The following BANF2 variants were observed in gnomAD, a reference collection of about 807,000 sequenced individuals.
BANF2 encodes BANF family member 2, also known as barrier-to-autointegration factor-like protein.
A neutral mutation model predicts 8.0 loss-of-function variants in BANF2; 4 were observed. That is an observed-to-expected ratio of 0.50 (90% CI 0.25 to 1.14). BANF2 has a LOEUF of 1.14. Ranked by LOEUF, BANF2 falls within the 50% of genes most tolerant of loss-of-function variation. BANF2 has a pLI of 0.16. For missense variants in BANF2, 96 were observed against 107.5 expected (o/e 0.89, Z 0.47); for synonymous variants, 50 against 40.6 (o/e 1.23, Z -0.88).
At chr20:17,720,246 A>G (rs530082988) in intron 1 of BANF2, among the ~76,000 whole-genome samples, 1 of 152,378 alleles carries the variant, frequency 6.6e-6, no homozygotes, top group African/African-American at 2.4e-5. Flanking sequence ...TGTACCCAAA[A>G]GAATTGAATG....
chr20:17,707,122 G>A (rs1187601907), intron 1 of BANF2, among the ~76,000 whole-genome samples: 3 of 152,116 alleles, frequency 2.0e-5, no homozygotes, highest in South Asian at 2.1e-4. Flanking sequence ...AGTGGCTCAC[G>A]CCTGTAATCC....
At chr20:17,728,438 C>T (rs1428618410) in intron 3 of BANF2, among the ~76,000 whole-genome samples, 2 of 152,188 alleles carry the variant, frequency 1.3e-5, no homozygotes, top group East Asian at 1.9e-4. Flanking sequence ...CGCTCCACCC[C>T]GCCAATTTAT....
chr20:17,728,778 G>C (rs1373568227), intron 3 of BANF2, among the ~76,000 whole-genome samples: 1 of 152,118 alleles, frequency 6.6e-6, no homozygotes, highest in Non-Finnish European at 1.5e-5. Flanking sequence ...CCCTTCCCAG[G>C]GGCAATCAGC....
At chr20:17,723,107 G>T (rs1280413044) in intron 2 of BANF2, among the ~76,000 whole-genome samples, 1 of 152,154 alleles carries the variant, frequency 6.6e-6, no homozygotes, top group Non-Finnish European at 1.5e-5. Context: ...GTCCCATATT[G>T]TAAGGGGTAA....
chr20:17,707,386 A>AAAAAAAAAAAAAG (rs1351602805), intron 1 of BANF2, among the ~76,000 whole-genome samples: 46 of 152,042 alleles, frequency 3.0e-4, no homozygotes, highest in African/African-American at 1.0e-3. Flanking sequence ...CTGTGTCAAA[A>AAAAAAAAAAAAAG]AAAAGAAAAT....
At chr20:17,705,203 C>T (rs2037465287) in intron 1 of BANF2, among the ~76,000 whole-genome samples, 2 of 152,154 alleles carry the variant, frequency 1.3e-5, no homozygotes, top group South Asian at 4.1e-4. Context: ...ACTGGCCCCA[C>T]CCAAGCCACA....
At chr20:17,714,443 G>A (rs2037622121) in intron 1 of BANF2, among the ~76,000 whole-genome samples, 1 of 152,144 alleles carries the variant, frequency 6.6e-6, no homozygotes, top group Admixed American at 6.5e-5. Flanking sequence ...ACCACTATCA[G>A]ACAAGTATGT....
intron 1 of BANF2, 21 bp from the exon 2 acceptor site, chr20:17,722,695 G>A (rs2037749974): frequency 2.0e-6 from 2 of 979,534 alleles, no homozygotes; most frequent in Non-Finnish European, 2.4e-6. Context: ...AACCTCTCAT[G>A]TCTTTTGCTC....
chr20:17,718,207 T>C (rs942808544), intron 1 of BANF2, among the ~76,000 whole-genome samples: 1 of 152,062 alleles, frequency 6.6e-6, no homozygotes, highest in Admixed American at 6.6e-5. Context: ...CGTTTGTTTG[T>C]TTTTGTTTTT....
At chr20:17,731,305 C>T (rs1416574704) in intron 3 of BANF2, 1 of 152,048 alleles carries the variant, frequency 6.6e-6, no homozygotes, top group East Asian at 1.9e-4. Flanking sequence ...GAGTTTAAAC[C>T]TGAAATGACA....
chr20:17,709,757 A>T (rs2037542384), intron 1 of BANF2, among the ~76,000 whole-genome samples: 1 of 152,194 alleles, frequency 6.6e-6, no homozygotes. Context: ...AATTTATCTT[A>T]TCTGTGAAAT....
At chr20:17,734,726 G>A (rs532259602) in intron 3 of BANF2, among the ~76,000 whole-genome samples, 1 of 152,276 alleles carries the variant, frequency 6.6e-6, no homozygotes, top group Non-Finnish European at 1.5e-5. Flanking sequence ...TGAACATCCT[G>A]CAATGCACAG....
chr20:17,695,819 C>T (rs1029117464), upstream of BANF2, among the ~76,000 whole-genome samples: 1 of 152,144 alleles, frequency 6.6e-6, no homozygotes, highest in East Asian at 1.9e-4. Context: ...TTACCTGTGC[C>T]ATTTAACCTG....
At chr20:17,697,155 C>A (rs142571865), upstream of BANF2, among the ~76,000 whole-genome samples, 71 of 152,190 alleles carry the variant, frequency 4.7e-4, no homozygotes, top group African/African-American at 1.7e-3. Flanking sequence ...ATATCCCTAG[C>A]GAGCCTTCTC....
intron 1 of BANF2, among the ~76,000 whole-genome samples, chr20:17,713,363 C>T (rs1256341086): frequency 6.6e-6 from 1 of 152,078 alleles, no homozygotes; most frequent in Non-Finnish European, 1.5e-5. Context: ...TGTGTGATTC[C>T]ACTTCCATGA....
chr20:17,705,645 G>A (rs1003037446), intron 1 of BANF2, among the ~76,000 whole-genome samples: 1 of 152,202 alleles, frequency 6.6e-6, no homozygotes, highest in African/African-American at 2.4e-5. Context: ...CCTGAGAATG[G>A]GGGGAGGCCT....
intron 1 of BANF2, among the ~76,000 whole-genome samples, chr20:17,713,115 G>T (rs2037600181): frequency 6.6e-6 from 1 of 152,108 alleles, no homozygotes; most frequent in Non-Finnish European, 1.5e-5. Flanking sequence ...AGCTGAGCAT[G>T]GTGGTGCATA....
rs771201207 is a variant in BANF2 at position 17,725,111 on chromosome 20, A to G, written c.86A>G (p.His29Arg). ...KDVCWVDGIS[H>R]ELAINLVTKG... ...GTCTGCTGGGTGGATGGCATCAGCC[A>G]TGAGCTCGCGATCAATTTGGTCACC... Residue 29 changes from histidine to arginine, a missense_variant, in exon 3 of 4, where the codon CAT becomes CGT. Transcript: ENST00000246090. 3 of 1,612,994 alleles carry G rather than the reference A, an allele frequency of 1.9e-6. No individual in the cohort carries two copies. The highest frequency in any genetic ancestry group is 2.2e-5 in the South Asian group (2 of 91,072).
chr20:17,725,641 A>T (rs1395249183), intron 3 of BANF2, among the ~76,000 whole-genome samples: 2 of 152,232 alleles, frequency 1.3e-5, no homozygotes, highest in African/African-American at 4.8e-5. Context: ...CCTCAAGGAT[A>T]TCCAGTGGAA....
Sources: allele counts gnomAD v4.1 joint callset (sites outside exome capture counted in the v4.1 genomes callset), GRCh38; gene constraint gnomAD v4.1.1; transcripts MANE v1.5; gene names NCBI Gene and HGNC (gene_info 2026-07-23, HGNC 2026-07-21).